Variants in PCDHA9 observed in about 807,000 individuals in gnomAD.
The protein encoded by PCDHA9 is protocadherin alpha 9.
PCDHA9 carries 62 observed loss-of-function variants against 62.0 expected under a neutral mutation model. That is an observed-to-expected ratio of 1.00 (90% CI 0.81 to 1.23). The LOEUF (loss-of-function observed/expected upper bound fraction) is 1.23. PCDHA9 is among the 50% of genes most tolerant of loss of function. The probability of loss-of-function intolerance (pLI) is 0.00; values close to 1 mark genes in which losing one functional copy is unlikely to be tolerated. For synonymous variants in PCDHA9, 557 were observed against 567.6 expected (o/e 0.98, Z 0.27); for missense variants, 1,205 against 1,249.8 (o/e 0.96, Z 0.54).
chr5:141,000,447 G>C (rs2097938373), intron 3 of PCDHA9, among the ~76,000 whole-genome samples: 1 of 41,758 alleles, frequency 2.4e-5, no homozygotes, highest in Admixed American at 2.7e-4. Flanking sequence ...TTTTTTTTGA[G>C]ACAGAGTTTT....
intron 1 of PCDHA9, chr5:140,869,906 A>G: frequency 6.2e-7 from 1 of 1,610,936 alleles, no homozygotes; most frequent in Non-Finnish European, 8.5e-7. Context: ...AACGCCACAG[A>G]CCGAGACGAA....
intron 1 of PCDHA9, chr5:140,870,532 T>A: frequency 1.2e-6 from 2 of 1,614,184 alleles, no homozygotes; most frequent in Non-Finnish European, 1.7e-6. Flanking sequence ...CTTCACAGTG[T>A]CGGCGCGGGA....
Position 141,002,363 on chromosome 5 carries a change from A to G in PCDHA9, c.2543-7264A>G, listed in dbSNP as rs75749580. On this transcript the variant is annotated intron_variant, in intron 3 of 3. Transcript: ENST00000532602. ...CCTTCCCCCACCTCCACTCCTTTCAACTCATTCTGGCTTAGGGCTCCTGCT... is the reference window on the plus strand; with the variant it reads ...CCTTCCCCCACCTCCACTCCTTTCAGCTCATTCTGGCTTAGGGCTCCTGCT... Among the ~76,000 whole-genome samples, 567 of 152,272 alleles carry G rather than the reference A, an allele frequency of 3.7e-3. 5 individuals are homozygous for G. Among genetic ancestry groups the G allele is most frequent in the African/African-American group, 0.013 (537 of 41,558 alleles).
rs781859537 is a variant in PCDHA9, at chr5:140,858,340, G to A, written c.2394+7451G>A. Reference sequence around the variant, plus strand: ...TGTGTTCTGGGGAGGGCCTGCCCAAGGCGGACCTCATGGCCTTCAGCCCCA... The same window carrying A: ...TGTGTTCTGGGGAGGGCCTGCCCAAAGCGGACCTCATGGCCTTCAGCCCCA... On this transcript the variant is annotated intron_variant, in intron 1 of 3. Coordinates refer to ENST00000532602, the MANE Select transcript of PCDHA9 (RefSeq NM_031857.2). The A allele has an allele frequency of 1.2e-5, 19 of 1,595,540 alleles. No individual in the cohort carries two copies. In the South Asian group the frequency reaches 1.3e-4, roughly 11 times the overall value.
At chr5:140,880,173 C>T (rs2058257400) in intron 1 of PCDHA9, among the ~76,000 whole-genome samples, 1 of 152,006 alleles carries the variant, frequency 6.6e-6, no homozygotes, top group Non-Finnish European at 1.5e-5. Context: ...AGAAGTTAAA[C>T]ATGAAGGGAA....
chr5:140,867,666 C>T (rs2050094280), intron 1 of PCDHA9: 1 of 152,038 alleles, frequency 6.6e-6, no homozygotes, highest in Non-Finnish European at 1.5e-5. Context: ...ACTTTCTACT[C>T]TAAAATTTTG....
intron 1 of PCDHA9, chr5:140,866,192 G>A (rs2049201997): frequency 6.6e-6 from 1 of 152,028 alleles, no homozygotes; most frequent in Non-Finnish European, 1.5e-5. Context: ...AGAAAACTGT[G>A]GTTTCCAATA....
intron 1 of PCDHA9, among the ~76,000 whole-genome samples, chr5:140,889,643 G>A (rs141216075): frequency 1.3e-4 from 20 of 152,024 alleles, no homozygotes; most frequent in African/African-American, 4.8e-4. Context: ...ATTTGTGTTT[G>A]CAGGAGATGT....
rs369408845 is a variant in PCDHA9, at chr5:140,898,113, C to T, written c.2394+47224C>T. On this transcript the variant is annotated intron_variant, in intron 1 of 3. Coordinates refer to ENST00000532602, the MANE Select transcript of PCDHA9 (RefSeq NM_031857.2). ...AGCCCTTTGTCAGATGAGTAGGTTG[C>T]GAAAATTTTCTCCCATTTTGTAGGT... Among the ~76,000 whole-genome samples, 401 of 152,070 alleles carry T rather than the reference C, an allele frequency of 2.6e-3. 3 individuals carry two copies. Among genetic ancestry groups the T allele is most frequent in the Admixed American group, 0.01 (153 of 15,274 alleles).
intron 1 of PCDHA9, chr5:140,870,750 G>C: frequency 1.2e-6 from 2 of 1,613,506 alleles, no homozygotes; most frequent in Non-Finnish European, 1.7e-6. Flanking sequence ...GCAACGTGAC[G>C]CTGCAGGTGT....
intron 1 of PCDHA9, chr5:140,927,406 G>C: frequency 6.2e-7 from 1 of 1,614,210 alleles, no homozygotes; most frequent in East Asian, 2.2e-5. Context: ...CTTTCGCCTG[G>C]ACATGGGATC....
At chr5:140,971,624 T>C (rs2153790714) in intron 1 of PCDHA9, among the ~76,000 whole-genome samples, 1 of 152,254 alleles carries the variant, frequency 6.6e-6, no homozygotes, top group East Asian at 1.9e-4. Flanking sequence ...TGGGGTACAA[T>C]TAGTACCATG....
chr5:140,969,305 A>C (rs1481597194), intron 1 of PCDHA9: 1 of 1,614,206 alleles, frequency 6.2e-7, no homozygotes, highest in East Asian at 2.2e-5. Flanking sequence ...GATTATTCTC[A>C]AAAATGAGGC....
chr5:140,886,076 A>C (rs1554182342), intron 1 of PCDHA9, among the ~76,000 whole-genome samples: 3 of 152,198 alleles, frequency 2.0e-5, no homozygotes, highest in African/African-American at 7.2e-5. Flanking sequence ...GGGCCATACC[A>C]CAACCTGGAT....
chr5:140,869,407 T>C, intron 1 of PCDHA9: 3 of 1,614,120 alleles, frequency 1.9e-6, no homozygotes, highest in Non-Finnish European at 2.5e-6. Context: ...GAGCGCGGAG[T>C]GCAGCATCCA....
intron 1 of PCDHA9, chr5:140,870,490 G>T: frequency 1.2e-6 from 2 of 1,614,234 alleles, no homozygotes; most frequent in Non-Finnish European, 8.5e-7. Flanking sequence ...CACCGTGTTC[G>T]TGAAGGAGAA....
At chr5:140,857,691 T>C (rs189067845) in intron 1 of PCDHA9, 2 of 1,597,004 alleles carry the variant, frequency 1.3e-6, no homozygotes, top group Non-Finnish European at 1.7e-6. Context: ...GGCAGCAACT[T>C]GACGCTGCAG....
chr5:141,003,258 G>T (rs1029666608), intron 3 of PCDHA9, among the ~76,000 whole-genome samples: 1 of 152,240 alleles, frequency 6.6e-6, no homozygotes, highest in Admixed American at 6.5e-5. Flanking sequence ...TTCCTGGGCA[G>T]TGCCTAAGGG....
In PCDHA9 at chr5:140,936,310, T is replaced by C. The variant is rs541948860; in HGVS notation, c.2395-42639T>C. 5.3e-5 allele frequency among the ~76,000 whole-genome samples: 8 copies of C among 152,318 alleles called. No individual in the cohort carries two copies. The South Asian group carries it at 1.4e-3, about 28-fold the overall frequency. ...TATAACATTGCTATCCAATAGAACT[T>C]TCTGACATGCTATAAATTTTCTCTA... On this transcript the variant is annotated intron_variant, in intron 1 of 3. Transcript: ENST00000532602.
Sources: allele counts gnomAD v4.1 joint callset (sites outside exome capture counted in the v4.1 genomes callset), GRCh38; gene constraint gnomAD v4.1.1; transcripts MANE v1.5; gene names NCBI Gene and HGNC (gene_info 2026-07-23, HGNC 2026-07-21).